Variants in LHFPL3 observed in about 807,000 individuals in gnomAD.
LHFPL3 encodes LHFPL tetraspan subfamily member 3 protein.
LHFPL3 carries 5 observed loss-of-function variants against 19.3 expected under a neutral mutation model. The observed-to-expected ratio is 0.26, with a 90% CI of 0.14 to 0.54. The LOEUF is 0.54. Ranked by LOEUF, LHFPL3 falls within the 20% of genes least tolerant of loss-of-function variation. The pLI, the probability that LHFPL3 is intolerant of heterozygous loss-of-function variation, is 0.94. For missense variants in LHFPL3, 249 were observed against 307.4 expected, an observed-to-expected ratio of 0.81 and a Z score of 1.42; for synonymous variants, 133 against 126.2, an observed-to-expected ratio of 1.05 and a Z score of -0.36.
At chr7:104,505,210 A>G (rs985524474) in intron 1 of LHFPL3, among the ~76,000 whole-genome samples, 1 of 152,268 alleles carries the variant, frequency 6.6e-6, no homozygotes, top group East Asian at 1.9e-4. Context: ...CCCATGGGAC[A>G]TACATCATAT....
intron 1 of LHFPL3, among the ~76,000 whole-genome samples, chr7:104,569,354 T>C (rs2062568329): frequency 6.6e-6 from 1 of 152,190 alleles, no homozygotes; most frequent in African/African-American, 2.4e-5. Flanking sequence ...TCAATAAATA[T>C]ATTTAAATGA....
At chr7:104,609,112 A>C (rs1417266802) in intron 1 of LHFPL3, among the ~76,000 whole-genome samples, 1 of 152,058 alleles carries the variant, frequency 6.6e-6, no homozygotes, top group Non-Finnish European at 1.5e-5. Context: ...TAAAAATAAA[A>C]AAATTAGCCA....
Position 104,472,034 on chromosome 7 carries a change from C to T in LHFPL3, c.445+142810C>T, listed in dbSNP as rs1792918338. On this transcript the variant is annotated intron_variant, in intron 1 of 2. Coordinates refer to ENST00000424859, the MANE Select transcript of LHFPL3 (RefSeq NM_199000.3). ...GTCTAGAAAAAGTTCAAAAATTAGC[C>T]GAGGGTGGGGCGTGTACCTGTAGTC... Among the ~76,000 whole-genome samples the T allele has an allele frequency of 3.3e-5, 5 of 151,758 alleles. No homozygotes were observed. In the South Asian group the frequency reaches 1.0e-3, roughly 32 times the overall value.
intron 1 of LHFPL3, among the ~76,000 whole-genome samples, chr7:104,544,829 T>C (rs1794550819): frequency 6.6e-6 from 1 of 152,164 alleles, no homozygotes; most frequent in South Asian, 2.1e-4. Flanking sequence ...TGCCCCTCAC[T>C]AGAAATTGAG....
intron 1 of LHFPL3, among the ~76,000 whole-genome samples, chr7:104,460,190 T>C (rs770954785): frequency 1.2e-4 from 19 of 152,230 alleles, no homozygotes; most frequent in Non-Finnish European, 2.2e-4. Flanking sequence ...TCATTCTTTT[T>C]TATGACTGCA....
Position 104,831,022 on chromosome 7 carries a change from ATG to A in LHFPL3, c.683-75164_683-75163del, listed in dbSNP as rs1255325438. Reference sequence around the variant, plus strand: ...TACCTGATTGGACCAAAACAATGACATGGTGACTCTTCCTTGGAAAAGGACTA... The same window carrying A: ...TACCTGATTGGACCAAAACAATGACAGTGACTCTTCCTTGGAAAAGGACTA... On this transcript the variant is annotated intron_variant, in intron 2 of 2. Transcript: ENST00000424859. Among the ~76,000 whole-genome samples, 15 of 151,922 alleles carry A rather than the reference ATG, an allele frequency of 9.9e-5. 1 individual carries two copies. The highest frequency in any genetic ancestry group is 3.3e-4 in the Admixed American group (5 of 15,280).
chr7:104,453,552 T>C (rs2116605709), intron 1 of LHFPL3, among the ~76,000 whole-genome samples: 1 of 152,314 alleles, frequency 6.6e-6, no homozygotes, highest in Admixed American at 6.5e-5. Flanking sequence ...GCAACTTTTC[T>C]AAAATAAATC....
intron 1 of LHFPL3, among the ~76,000 whole-genome samples, chr7:104,382,146 A>G (rs1244865087): frequency 6.6e-6 from 1 of 152,130 alleles, no homozygotes; most frequent in Non-Finnish European, 1.5e-5. Context: ...TTGAATGTCT[A>G]AGGTAGTGGT....
At chr7:104,627,571 A>C (rs1221300471) in intron 1 of LHFPL3, among the ~76,000 whole-genome samples, 1 of 152,306 alleles carries the variant, frequency 6.6e-6, no homozygotes, top group Non-Finnish European at 1.5e-5. Context: ...TCATCCCAAC[A>C]GCCCCAAAGG....
At chr7:104,452,839 C>G (rs1454615462) in intron 1 of LHFPL3, among the ~76,000 whole-genome samples, 2 of 152,076 alleles carry the variant, frequency 1.3e-5, no homozygotes, top group African/African-American at 4.8e-5. Context: ...AAAGTGTAAA[C>G]AACTTAAAAG....
At chr7:104,574,363 A>G (rs987532406) in intron 1 of LHFPL3, among the ~76,000 whole-genome samples, 4 of 152,264 alleles carry the variant, frequency 2.6e-5, no homozygotes, top group Admixed American at 1.3e-4. Context: ...GATAAGTAAC[A>G]TAAAAGTCCT....
chr7:104,706,767 T>C (rs1395604388), intron 1 of LHFPL3, among the ~76,000 whole-genome samples: 3 of 152,222 alleles, frequency 2.0e-5, no homozygotes, highest in Non-Finnish European at 4.4e-5. Context: ...GAAAAGGTTT[T>C]CTTTGGTCAA....
chr7:104,672,027 C>A (rs911442893), intron 1 of LHFPL3, among the ~76,000 whole-genome samples: 1 of 150,926 alleles, frequency 6.6e-6, no homozygotes, highest in Non-Finnish European at 1.5e-5. Flanking sequence ...AATACCTTTT[C>A]TTTTTTCCTT....
At chr7:104,439,239 C>G (rs940593935) in intron 1 of LHFPL3, among the ~76,000 whole-genome samples, 2 of 152,090 alleles carry the variant, frequency 1.3e-5, no homozygotes, top group Admixed American at 6.6e-5. Flanking sequence ...GCCACTGTGC[C>G]CAGCCCTACA....
At chr7:104,776,609 G>A (rs954152236) in intron 2 of LHFPL3, among the ~76,000 whole-genome samples, 5 of 152,144 alleles carry the variant, frequency 3.3e-5, no homozygotes, top group African/African-American at 4.8e-5. Flanking sequence ...CATTCCCAGC[G>A]GATGTGAATC....
At chr7:104,672,058 AGTGTGTGTGTGTGT>A (rs71155518) in intron 1 of LHFPL3, among the ~76,000 whole-genome samples, 1 of 148,690 alleles carries the variant, frequency 6.7e-6, no homozygotes, top group Admixed American at 6.7e-5. Context: ...TTAACTTCCA[AGTGTGTGTGTGTGT>A]GTGTGTGTGT....
intron 1 of LHFPL3, among the ~76,000 whole-genome samples, chr7:104,352,142 A>G (rs1400228667): frequency 6.6e-6 from 1 of 151,504 alleles, no homozygotes; most frequent in Non-Finnish European, 1.5e-5. Context: ...TCCAGCTTGG[A>G]CCTCAGAGCG....
At chr7:104,677,134 G>A (rs142476660) in intron 1 of LHFPL3, among the ~76,000 whole-genome samples, 58 of 152,278 alleles carry the variant, frequency 3.8e-4, no homozygotes, top group Non-Finnish European at 8.8e-5. Context: ...TCAGCACTTT[G>A]GGAGGCCAAG....
intron 2 of LHFPL3, among the ~76,000 whole-genome samples, chr7:104,752,058 C>T (rs1584514921): frequency 6.6e-6 from 1 of 152,274 alleles, no homozygotes; most frequent in East Asian, 1.9e-4. Context: ...TGATAGGCTA[C>T]TGGCGGTTGG....
Sources: allele counts gnomAD v4.1 joint callset (sites outside exome capture counted in the v4.1 genomes callset), GRCh38; gene constraint gnomAD v4.1.1; transcripts MANE v1.5; gene names NCBI Gene and HGNC (gene_info 2026-07-23, HGNC 2026-07-21).